The following CFAP96 variants were observed in gnomAD, a reference collection of about 807,000 sequenced individuals.
The protein encoded by CFAP96 is cilia-and flagella-associated protein 96.
the CFAP96 span, among the ~76,000 whole-genome samples, chr4:185,443,343 T>TATATATATA: frequency 1.0e-4 from 2 of 19,222 alleles, no homozygotes; most frequent in Non-Finnish European, 2.0e-4. Flanking sequence ...TATATATATA[T>TATATATATA]TTTTTTTTTT....
chr4:185,432,564 T>C, the CFAP96 span, among the ~76,000 whole-genome samples: 13 of 152,098 alleles, frequency 8.5e-5, no homozygotes, highest in Non-Finnish European at 1.6e-4. Flanking sequence ...GTTAAAGAAG[T>C]ATAGATAAAA....
chr4:185,437,473 T>A, the CFAP96 span, among the ~76,000 whole-genome samples: 1 of 152,240 alleles, frequency 6.6e-6, no homozygotes, highest in African/African-American at 2.4e-5. Context: ...TTTTTTGTTT[T>A]TGTTATTAGA....
the CFAP96 span, chr4:185,436,475 G>A: frequency 1.5e-6 from 1 of 685,856 alleles, no homozygotes; most frequent in African/African-American, 1.8e-5. Flanking sequence ...ACTTGGGGTG[G>A]CCGAGATGGG....
the CFAP96 span, chr4:185,436,484 G>A: frequency 1.6e-6 from 1 of 630,296 alleles, no homozygotes; most frequent in Non-Finnish European, 2.8e-6. Context: ...GGCCGAGATG[G>A]GCGGATCACG....
the CFAP96 span, among the ~76,000 whole-genome samples, chr4:185,438,689 G>T: frequency 6.6e-6 from 1 of 152,020 alleles, no homozygotes; most frequent in Non-Finnish European, 1.5e-5. Context: ...ATATTCTCGG[G>T]CTTTTTCTGG....
chr4:185,433,661 G>C, the CFAP96 span, among the ~76,000 whole-genome samples: 1 of 152,152 alleles, frequency 6.6e-6, no homozygotes, highest in Non-Finnish European at 1.5e-5. Context: ...CAGCACTTTG[G>C]GAGGCCGAGG....
At chr4:185,408,489 T>G in the CFAP96 span, 4 of 1,540,198 alleles carry the variant, frequency 2.6e-6, no homozygotes, top group Non-Finnish European at 3.6e-6. Context: ...GAAGTACATA[T>G]TCTATATATG....
chr4:185,410,379 G>C, the CFAP96 span, among the ~76,000 whole-genome samples: 1 of 152,212 alleles, frequency 6.6e-6, no homozygotes, highest in African/African-American at 2.4e-5. Context: ...TCCAGGCACG[G>C]TGGCTCATGC....
At chr4:185,422,689 G>T in the CFAP96 span, 6 of 669,752 alleles carry the variant, frequency 9.0e-6, no homozygotes, top group East Asian at 6.5e-5. Context: ...TATTTCATGA[G>T]TTAATTCCTT....
At chr4:185,445,261 A>G in the CFAP96 span, 2 of 830,412 alleles carry the variant, frequency 2.4e-6, no homozygotes, top group African/African-American at 3.4e-5. Flanking sequence ...TAGACATCTC[A>G]GCTCCTTCCA....
chr4:185,429,496 GT>G, the CFAP96 span: 1 of 1,527,304 alleles, frequency 6.5e-7, no homozygotes, highest in Non-Finnish European at 8.8e-7. Context: ...TGATAAATAT[GT>G]GTCACAATTT....
the CFAP96 span, among the ~76,000 whole-genome samples, chr4:185,421,787 C>A: frequency 6.6e-6 from 1 of 152,212 alleles, no homozygotes; most frequent in Non-Finnish European, 1.5e-5. Context: ...CACCACTACT[C>A]GTACTTTTCA....
chr4:185,437,932 T>C, the CFAP96 span, among the ~76,000 whole-genome samples: 1 of 152,162 alleles, frequency 6.6e-6, no homozygotes, highest in Non-Finnish European at 1.5e-5. Context: ...GCTTGACTTG[T>C]CTCTGATGAG....
chr4:185,432,299 A>T, the CFAP96 span: 3 of 886,500 alleles, frequency 3.4e-6, no homozygotes, highest in Non-Finnish European at 5.1e-6. Flanking sequence ...TGTAAGATGA[A>T]TTTTTAAGTA....
chr4:185,426,603 A>C, the CFAP96 span, among the ~76,000 whole-genome samples: 3 of 152,220 alleles, frequency 2.0e-5, no homozygotes, highest in African/African-American at 4.8e-5. Flanking sequence ...ATAGATTGTA[A>C]GCTCCTTGCG....
chr4:185,415,902 G>A, the CFAP96 span: 4 of 1,511,314 alleles, frequency 2.6e-6, no homozygotes, highest in Non-Finnish European at 3.6e-6. Flanking sequence ...AACTTGTAGT[G>A]CATTAAACAC....
the CFAP96 span, among the ~76,000 whole-genome samples, chr4:185,430,002 GT>G: frequency 6.6e-6 from 1 of 152,152 alleles, no homozygotes; most frequent in African/African-American, 2.4e-5. Flanking sequence ...TAGGAATCTC[GT>G]TTTATTAGGG....
chr4:185,433,112 C>G, the CFAP96 span, among the ~76,000 whole-genome samples: 1 of 152,082 alleles, frequency 6.6e-6, no homozygotes, highest in East Asian at 1.9e-4. Flanking sequence ...TTAACAGTAT[C>G]TTAGTTGTGA....
chr4:185,422,887 TCTCA>T, the CFAP96 span, among the ~76,000 whole-genome samples: 1 of 54,804 alleles, frequency 1.8e-5, no homozygotes, highest in Non-Finnish European at 3.6e-5. Flanking sequence ...GGAGACAGGG[TCTCA>T]CTCTGTCACA....
Sources: allele counts gnomAD v4.1 joint callset (sites outside exome capture counted in the v4.1 genomes callset), GRCh38; gene constraint gnomAD v4.1.1; transcripts MANE v1.5; gene names NCBI Gene and HGNC (gene_info 2026-07-23, HGNC 2026-07-21).